The following ADARB2 variants were observed in gnomAD, a reference collection of about 807,000 sequenced individuals.
The protein encoded by ADARB2 is adenosine deaminase RNA specific B2 (inactive).
In ADARB2, 25 loss-of-function variants were observed where a neutral mutation model predicts 62.2. That is an observed-to-expected ratio of 0.40 (90% CI 0.29 to 0.56). The LOEUF is 0.56. Among genes scored for constraint, ADARB2 ranks in the 20% least tolerant of loss-of-function variants. The pLI, the probability that ADARB2 is intolerant of heterozygous loss-of-function variation, is 0.43. For missense variants in ADARB2, 1,071 were observed against 1,077.4 expected (o/e 0.99, Z 0.08); for synonymous variants, 572 against 500.8 (o/e 1.14, Z -1.90).
rs114923811 is a variant in ADARB2, at chr10:1,675,671, G to A, written c.100+61380C>T. The stretch of plus-strand genomic sequence containing the variant: ...ATGCGTGAATGTTCTGGAGGTTTGG[G>A]TTTGGGGGTTCATGGATGTTCTGGA... On this transcript the variant is annotated intron_variant, in intron 1 of 9. Transcript: ENST00000381312. Among the ~76,000 whole-genome samples, 1,452 of 151,936 alleles carry A rather than the reference G, an allele frequency of 9.6e-3. 25 individuals carry two copies. The highest frequency in any genetic ancestry group is 0.032 in the African/African-American group (1,315 of 41,346).
intron 1 of ADARB2, among the ~76,000 whole-genome samples, chr10:1,628,229 T>C (rs1833795880): frequency 6.6e-6 from 1 of 152,212 alleles, no homozygotes; most frequent in Non-Finnish European, 1.5e-5. Flanking sequence ...CTGTGCACAT[T>C]GTCAAGGAGC....
intron 1 of ADARB2, among the ~76,000 whole-genome samples, chr10:1,402,435 G>A (rs935864735): frequency 1.3e-5 from 2 of 152,214 alleles, no homozygotes; most frequent in African/African-American, 4.8e-5. Context: ...AAAAAATGCT[G>A]TGTGGAATTG....
At chr10:1,277,730 G>A (rs939524697) in intron 3 of ADARB2, among the ~76,000 whole-genome samples, 3 of 152,144 alleles carry the variant, frequency 2.0e-5, no homozygotes, top group Admixed American at 1.3e-4. Flanking sequence ...TAGAAAAAGA[G>A]GGACTCCTCC....
At chr10:1,599,106 T>C (rs1244475848) in intron 1 of ADARB2, among the ~76,000 whole-genome samples, 1 of 152,246 alleles carries the variant, frequency 6.6e-6, no homozygotes, top group African/African-American at 2.4e-5. Context: ...AGTGTGTATG[T>C]GTTTTGTGAG....
intron 1 of ADARB2, among the ~76,000 whole-genome samples, chr10:1,518,277 G>T (rs886224493): frequency 4.6e-5 from 7 of 152,186 alleles, no homozygotes; most frequent in Non-Finnish European, 8.8e-5. Flanking sequence ...ACTCTACCAC[G>T]TTCTCATGCC....
At chr10:1,404,244 C>T (rs1832687678) in intron 1 of ADARB2, among the ~76,000 whole-genome samples, 1 of 16,902 alleles carries the variant, frequency 5.9e-5, no homozygotes, top group South Asian at 6.8e-3. Flanking sequence ...TATGCTTGGC[C>T]ATGAGAGCAG....
chr10:1,722,261 G>A (rs536407611), intron 1 of ADARB2, among the ~76,000 whole-genome samples: 145 of 152,242 alleles, frequency 9.5e-4, no homozygotes, highest in African/African-American at 3.3e-3. Context: ...CAAATGTCCT[G>A]GCTATTATTG....
intron 1 of ADARB2, among the ~76,000 whole-genome samples, chr10:1,638,471 T>G (rs191657016): frequency 1.3e-5 from 2 of 152,012 alleles, no homozygotes; most frequent in Non-Finnish European, 2.9e-5. Context: ...ATTGAGACCT[T>G]ATAAAGCTTT....
At chr10:1,481,852 A>G (rs1363823482) in intron 1 of ADARB2, among the ~76,000 whole-genome samples, 2 of 34,258 alleles carry the variant, frequency 5.8e-5, no homozygotes, top group South Asian at 1.4e-3. Flanking sequence ...GTGAGACTCC[A>G]TCTCAAAAAA....
chr10:1,363,064 G>A lies in ADARB2; in HGVS notation c.1041C>T (p.His347=). ...QELFDIQMPG[H]APGRARRTPM... ...GCGTCCTCCTGGCCCTGCCGGGCGC[G>A]TGGCCGGGCATCTGGATGTCGAACA... Residue 347 remains histidine (H), a synonymous_variant, in exon 3 of 10, where the codon CAC becomes CAT. Coordinates refer to ENST00000381312, the MANE Select transcript of ADARB2 (RefSeq NM_018702.4). 1 of 1,449,448 alleles carries A rather than the reference G, an allele frequency of 6.9e-7. No individual in the cohort carries two copies. The highest frequency in any genetic ancestry group is 9.1e-7 in the Non-Finnish European group (1 of 1,103,022). 89.8% of individuals were successfully genotyped at this position (1,449,448 alleles called of 1,614,324 possible). A position where few individuals can be genotyped will look rare whatever the true frequency, so the allele number is the denominator to read the frequency against.
intron 1 of ADARB2, among the ~76,000 whole-genome samples, chr10:1,734,602 G>T (rs188698955): frequency 2.0e-4 from 31 of 152,276 alleles, no homozygotes; most frequent in African/African-American, 6.7e-4. Flanking sequence ...TTGTCCCTTA[G>T]ACTAGGTAGA....
chr10:1,582,846 C>G (rs766585537), intron 1 of ADARB2, among the ~76,000 whole-genome samples: 2 of 152,206 alleles, frequency 1.3e-5, no homozygotes, highest in African/African-American at 4.8e-5. Context: ...CCCTTCAGCA[C>G]TGATTTCATA....
rs1012012312 is a variant in ADARB2 at position 1,477,727 on chromosome 10, C to G, written c.101-98567G>C. 6.6e-6 allele frequency among the ~76,000 whole-genome samples: 1 copy of G among 152,222 alleles called. No individual in the cohort carries two copies. Among genetic ancestry groups the G allele is most frequent in the Non-Finnish European group, 1.5e-5 (1 of 68,044 alleles). ...GTGCTTAATTTTCAGAGAATGCCTTCGTGACTATTTCCCTTAGACATAAAT... is the reference window on the plus strand; with the variant it reads ...GTGCTTAATTTTCAGAGAATGCCTTGGTGACTATTTCCCTTAGACATAAAT... On this transcript the variant is annotated intron_variant, in intron 1 of 9. Coordinates refer to ENST00000381312, the MANE Select transcript of ADARB2 (RefSeq NM_018702.4). The surrounding 1 kb of genome is among the most constrained non-coding windows in gnomAD (Gnocchi z 4.5).
chr10:1,648,751 TAGC>T (rs1288670616), intron 1 of ADARB2, among the ~76,000 whole-genome samples: 1 of 152,180 alleles, frequency 6.6e-6, no homozygotes, highest in African/African-American at 2.4e-5. Context: ...AGCGGTGTCT[TAGC>T]AGCAGAAGTG....
intron 1 of ADARB2, among the ~76,000 whole-genome samples, chr10:1,502,285 C>T (rs934728712): frequency 5.3e-5 from 8 of 152,216 alleles, no homozygotes; most frequent in Non-Finnish European, 1.0e-4. Context: ...GCTGAAGACC[C>T]CTTACTTCCT....
chr10:1,434,584 T>G (rs1447096477), intron 1 of ADARB2, among the ~76,000 whole-genome samples: 1 of 152,104 alleles, frequency 6.6e-6, no homozygotes, highest in African/African-American at 2.4e-5. Context: ...GAAGGCATTC[T>G]TAACAGGACC....
chr10:1,527,149 A>G (rs1432995328), intron 1 of ADARB2, among the ~76,000 whole-genome samples: 1 of 152,216 alleles, frequency 6.6e-6, no homozygotes, highest in Non-Finnish European at 1.5e-5. Context: ...GAATTCTTAC[A>G]GGAACTTCTC....
At chr10:1,730,540 G>T (rs1469646206) in intron 1 of ADARB2, among the ~76,000 whole-genome samples, 1 of 152,142 alleles carries the variant, frequency 6.6e-6, no homozygotes, top group Admixed American at 6.5e-5. Flanking sequence ...AATTTTAAGT[G>T]TACACAGCTG....
rs370232743 is a variant in ADARB2 at position 1,708,188 on chromosome 10, G to A, written c.100+28863C>T. ...CATAGCAGAGATTCTAGTTTAACTCGTATCTTTTGATGCCTGTTCAAAGTG... is the reference window on the plus strand; with the variant it reads ...CATAGCAGAGATTCTAGTTTAACTCATATCTTTTGATGCCTGTTCAAAGTG... On this transcript the variant is annotated intron_variant, in intron 1 of 9. Transcript: ENST00000381312. Among the ~76,000 whole-genome samples the A allele has an allele frequency of 1.1e-4, 17 of 152,198 alleles. No homozygotes were observed. The South Asian group carries it at 1.9e-3, about 17-fold the overall frequency.
Sources: allele counts gnomAD v4.1 joint callset (sites outside exome capture counted in the v4.1 genomes callset), GRCh38; gene constraint gnomAD v4.1.1; non-coding constraint Gnocchi (gnomAD v3.1); transcripts MANE v1.5; gene names NCBI Gene and HGNC (gene_info 2026-07-23, HGNC 2026-07-21).